Variants in PFDN1 observed in about 807,000 individuals in gnomAD.
The protein encoded by PFDN1 is prefoldin subunit 1.
In PFDN1, 6 loss-of-function variants were observed where a neutral mutation model predicts 17.3. The observed-to-expected ratio is 0.35, with a 90% CI of 0.19 to 0.69. The LOEUF (loss-of-function observed/expected upper bound fraction) is 0.69. Among genes scored for constraint, PFDN1 ranks in the 30% least tolerant of loss-of-function variants. The pLI is 0.65. For missense variants in PFDN1, 113 were observed against 146.2 expected (o/e 0.77, Z 1.17); for synonymous variants, 58 against 50.1 (o/e 1.16, Z -0.67).
At chr5:140,280,037 G>GA (rs1179776982) in intron 3 of PFDN1, among the ~76,000 whole-genome samples, 3 of 95,524 alleles carry the variant, frequency 3.1e-5, no homozygotes, top group South Asian at 3.1e-4. Context: ...GAAAAGAAAA[G>GA]AAAGAAAGAA....
chr5:140,287,017 G>A (rs777751516), intron 2 of PFDN1, among the ~76,000 whole-genome samples: 13 of 152,118 alleles, frequency 8.5e-5, no homozygotes, highest in Non-Finnish European at 1.8e-4. Flanking sequence ...GGTCTTTTTC[G>A]TACCATATTA....
chr5:140,267,562 A>G (rs1261361569), intron 3 of PFDN1, among the ~76,000 whole-genome samples: 1 of 152,230 alleles, frequency 6.6e-6, no homozygotes, highest in Non-Finnish European at 1.5e-5. Context: ...CCATTCAATG[A>G]GAATGGCACC....
chr5:140,270,377 G>T (rs1742814604), intron 3 of PFDN1, among the ~76,000 whole-genome samples: 1 of 152,092 alleles, frequency 6.6e-6, no homozygotes, highest in South Asian at 2.1e-4. Context: ...TGGGTATGGG[G>T]ACAGATAAGT....
chr5:140,286,270 G>C (rs10051897), intron 2 of PFDN1, among the ~76,000 whole-genome samples: 2 of 151,204 alleles, frequency 1.3e-5, no homozygotes, highest in African/African-American at 4.9e-5. Flanking sequence ...AAAATTAGCC[G>C]GTGTGGTGGC....
chr5:140,272,453 C>A (rs897652790), intron 3 of PFDN1, among the ~76,000 whole-genome samples: 19 of 151,354 alleles, frequency 1.3e-4, no homozygotes, highest in African/African-American at 4.4e-4. Context: ...CTCCACCTCC[C>A]GGGTTCAAGC....
chr5:140,261,161 CAAA>C (rs773165928), intron 3 of PFDN1, among the ~76,000 whole-genome samples: 4 of 48,016 alleles, frequency 8.3e-5, no homozygotes, highest in African/African-American at 8.5e-5. Context: ...GACTCCATCT[CAAA>C]AAAAAAAAAA....
At position 140,251,755 on chromosome 5, in the gene PFDN1, T is replaced by C. The variant is rs1395767756; in HGVS notation, c.286-5698A>G. ...GCTCAGCATGGCCAGGGAAATGACA[T>C]TGTTGGAGTTATTGCTCATCGGCCT... On this transcript the variant is annotated intron_variant, in intron 3 of 3. Coordinates refer to ENST00000261813, the MANE Select transcript of PFDN1 (RefSeq NM_002622.5). Among the ~76,000 whole-genome samples, 5 of 152,220 alleles carry C rather than the reference T, an allele frequency of 3.3e-5. No homozygotes were observed. In the South Asian group the frequency reaches 1.0e-3, roughly 32 times the overall value.
At position 140,294,822 on chromosome 5, in the gene PFDN1, A is replaced by C. The variant is rs1194795470; in HGVS notation, c.200+5594T>G. Among the ~76,000 whole-genome samples, 4 of 152,046 alleles carry C rather than the reference A, an allele frequency of 2.6e-5. No homozygotes were observed. In the East Asian group the frequency reaches 7.7e-4, roughly 29 times the overall value. On this transcript the variant is annotated intron_variant, in intron 2 of 3. Coordinates refer to ENST00000261813, the MANE Select transcript of PFDN1 (RefSeq NM_002622.5). ...AGAGATCAACCATTAAATTACTTCA[A>C]CAAGTAGAAATAGTAACACCGCTCC... is the stretch of plus-strand genomic sequence containing the variant.
Position 140,254,467 on chromosome 5 carries a change from C to G in PFDN1, c.286-8410G>C, listed in dbSNP as rs932943784. Among the ~76,000 whole-genome samples, 1 of 152,196 alleles carries G rather than the reference C, an allele frequency of 6.6e-6. No individual in the cohort carries two copies. Among genetic ancestry groups the G allele is most frequent in the Non-Finnish European group, 1.5e-5 (1 of 68,030 alleles). ...TCATGCTTAGCCACCGGACTCCCCC[C>G]TCCTTGTTGCTTCAATCTTCCAGTA... On this transcript the variant is annotated intron_variant, in intron 3 of 3. Coordinates refer to ENST00000261813, the MANE Select transcript of PFDN1 (RefSeq NM_002622.5). The surrounding 1 kb of genome is among the most constrained non-coding windows in gnomAD (Gnocchi z 4.4).
chr5:140,275,283 C>G (rs1765272527), intron 3 of PFDN1, among the ~76,000 whole-genome samples: 1 of 151,816 alleles, frequency 6.6e-6, no homozygotes. Flanking sequence ...GCGGGGTGTG[C>G]CTGTAGTCCC....
intron 3 of PFDN1, among the ~76,000 whole-genome samples, chr5:140,270,531 C>T (rs887551343): frequency 5.3e-5 from 8 of 152,172 alleles, no homozygotes; most frequent in South Asian, 2.1e-4. Flanking sequence ...AATGAAGATG[C>T]GCCACCAGGA....
intron 1 of PFDN1, among the ~76,000 whole-genome samples, chr5:140,301,863 T>A (rs1041297631): frequency 2.0e-5 from 3 of 152,350 alleles, no homozygotes; most frequent in Admixed American, 2.0e-4. Flanking sequence ...CCAGGTATCA[T>A]CTGACTGCTC....
intron 2 of PFDN1, among the ~76,000 whole-genome samples, chr5:140,287,341 G>GT (rs1401459502): frequency 6.6e-6 from 1 of 152,218 alleles, no homozygotes; most frequent in Non-Finnish European, 1.5e-5. Flanking sequence ...TATGTGTACA[G>GT]TGATGAACAG....
Position 140,300,439 on chromosome 5 carries a change from G to A in PFDN1, c.177C>T (p.Asn59=), listed in dbSNP as rs745420440. ...TEIMTLVDET[N]MYEGVGRMFI... ...ACATTCTTCCTACACCTTCATACAT[G>A]TTAGTCTCATCTACCAAAGTCATGA... Residue 59 remains asparagine (N), a synonymous_variant, in exon 2 of 4, where the codon AAC becomes AAT. Transcript: ENST00000261813. 1 of 1,608,740 alleles carries A rather than the reference G, an allele frequency of 6.2e-7. No homozygotes were observed.
At chr5:140,277,715 G>A (rs1765317285) in intron 3 of PFDN1, among the ~76,000 whole-genome samples, 1 of 150,766 alleles carries the variant, frequency 6.6e-6, no homozygotes. Context: ...GTGACAGAGT[G>A]AGACCCCATC....
intron 2 of PFDN1, among the ~76,000 whole-genome samples, chr5:140,298,738 T>C (rs1765689343): frequency 6.6e-6 from 1 of 152,042 alleles, no homozygotes; most frequent in African/African-American, 2.4e-5. Context: ...GCATGACACT[T>C]AGAATGAGTG....
intron 2 of PFDN1, chr5:140,282,039 T>C (rs1561510926): frequency 6.8e-6 from 1 of 147,260 alleles, no homozygotes; most frequent in African/African-American, 2.5e-5. Flanking sequence ...TTTAAAATAT[T>C]AGTCAGGCAC....
intron 2 of PFDN1, among the ~76,000 whole-genome samples, chr5:140,288,713 G>A (rs983436685): frequency 2.0e-5 from 3 of 152,118 alleles, no homozygotes; most frequent in Non-Finnish European, 2.9e-5. Flanking sequence ...GGCCGTGCAC[G>A]GTGGCTCATG....
intron 3 of PFDN1, among the ~76,000 whole-genome samples, chr5:140,249,483 G>A (rs1254215348): frequency 1.3e-5 from 2 of 152,196 alleles, no homozygotes; most frequent in African/African-American, 2.4e-5. Flanking sequence ...ATTCAGTATG[G>A]TCAGAGGCGT....
Sources: gnomAD v4.1 joint callset for allele counts (sites outside exome capture counted in the v4.1 genomes callset) on GRCh38, gnomAD v4.1.1 for gene constraint, Gnocchi (gnomAD v3.1) non-coding constraint, MANE v1.5 for transcripts, NCBI Gene and HGNC (gene_info 2026-07-23, HGNC 2026-07-21) for gene names.